Variants in CCDC186 observed in about 807,000 individuals in gnomAD.
CCDC186 encodes coiled-coil domain-containing protein 186.
In CCDC186, 49 loss-of-function variants were observed where a neutral mutation model predicts 113.7. The ratio of observed to expected loss-of-function variants is 0.43; its 90% CI spans 0.34 to 0.55. The LOEUF is 0.55. CCDC186 is among the 20% of genes least tolerant of loss of function. The pLI is 0.02. For missense variants in CCDC186, 890 were observed against 1,011.1 expected, an observed-to-expected ratio of 0.88 and a Z score of 1.62; for synonymous variants, 355 against 345.8, an observed-to-expected ratio of 1.03 and a Z score of -0.30.
intron 3 of CCDC186, among the ~76,000 whole-genome samples, chr10:114,152,449 T>C (rs904622703): frequency 1.3e-5 from 2 of 152,086 alleles, no homozygotes; most frequent in African/African-American, 4.8e-5. Flanking sequence ...ATTTCATGCA[T>C]CTACTTAGGA....
In CCDC186 at chr10:114,121,005, T is replaced by C. The variant is rs1027540733; in HGVS notation, c.*4138A>G. On this transcript the variant is annotated 3_prime_UTR_variant, in exon 16 of 16. Transcript: ENST00000369287. ...TGTACAATACACACACACACACATATATATATGTCCTCTGGAAGATAAACA... is the reference window on the plus strand; with the variant it reads ...TGTACAATACACACACACACACATACATATATGTCCTCTGGAAGATAAACA... 2 of 152,124 alleles carry C rather than the reference T, an allele frequency of 1.3e-5. No homozygotes were observed. The highest frequency in any genetic ancestry group is 2.9e-5 in the Non-Finnish European group (2 of 68,002). 9.4% of individuals were successfully genotyped at this position (152,124 alleles called of 1,614,324 possible).
chr10:114,170,112 A>C (rs1207792111), intron 1 of CCDC186, among the ~76,000 whole-genome samples: 1 of 152,172 alleles, frequency 6.6e-6, no homozygotes, highest in South Asian at 2.1e-4. Context: ...ATGGAAAAGA[A>C]CTTGTGTATG....
intron 1 of CCDC186, among the ~76,000 whole-genome samples, chr10:114,165,498 C>T (rs1739579620): frequency 1.3e-5 from 2 of 152,190 alleles, no homozygotes; most frequent in South Asian, 4.1e-4. Context: ...TCAAGACCAA[C>T]CTGGCCAAGA....
chr10:114,139,412 A>C (rs1034807277), intron 6 of CCDC186, among the ~76,000 whole-genome samples: 1 of 152,044 alleles, frequency 6.6e-6, no homozygotes, highest in African/African-American at 2.4e-5. Context: ...AAAATACAAA[A>C]ATTAGCCGGG....
chr10:114,149,786 C>CAGGAAGGCAGGA (rs1564912975), intron 4 of CCDC186, among the ~76,000 whole-genome samples: 274 of 47,718 alleles, frequency 5.7e-3, no homozygotes, highest in Non-Finnish European at 7.4e-3. Context: ...GGCAGGAAGG[C>CAGGAAGGCAGGA]AGGAAGGAAG....
Position 114,162,854 on chromosome 10 carries a change from T to C in CCDC186, c.415A>G (p.Ser139Gly). The C allele has an allele frequency of 6.2e-7, 1 of 1,614,014 alleles. No homozygotes were observed. Among genetic ancestry groups the C allele is most frequent in the Middle Eastern group, 1.6e-4 (1 of 6,062 alleles). ...TTGGTGCAGTCTGTATCATAGGGGC[T>C]TTCTGAATAAGTCTTTTCATTAGCT... The part of the protein sequence containing the change: ...ESANEKTYSE[S>G]PYDTDCTKKF... Residue 139 changes from serine (S) to glycine (G), a missense_variant, in exon 2 of 16, where the codon AGC (serine) becomes GGC (glycine). By Grantham distance (56) the Ser-to-Gly change is moderately conservative (BLOSUM62 0). Transcript: ENST00000369287.
In CCDC186 at chr10:114,166,202, T is replaced by C. The variant is rs1029327971; in HGVS notation, c.-61-2873A>G. On this transcript the variant is annotated intron_variant, in intron 1 of 15. Coordinates refer to ENST00000369287, the MANE Select transcript of CCDC186 (RefSeq NM_018017.4). ...AGATTCCTCAGTAAACCAGTTGTACTACTTTTCCATTCTTATCTCTCAACA... is the reference window on the plus strand; with the variant it reads ...AGATTCCTCAGTAAACCAGTTGTACCACTTTTCCATTCTTATCTCTCAACA... Among the ~76,000 whole-genome samples, 23 of 152,204 alleles carry C rather than the reference T, an allele frequency of 1.5e-4. 1 individual carries two copies. The highest frequency in any genetic ancestry group is 5.5e-4 in the African/African-American group (23 of 41,442).
Position 114,153,277 on chromosome 10 carries a change from G to T in CCDC186, c.760-2057C>A, listed in dbSNP as rs568789831. On this transcript the variant is annotated intron_variant, in intron 3 of 15. Coordinates refer to ENST00000369287, the MANE Select transcript of CCDC186 (RefSeq NM_018017.4). ...TGAAGCATATTCTCCAACCATAATGGAATGAGACCTCAGTAACAGAAAGAA... is the reference window on the plus strand; with the variant it reads ...TGAAGCATATTCTCCAACCATAATGTAATGAGACCTCAGTAACAGAAAGAA... Among the ~76,000 whole-genome samples, 5 of 152,144 alleles carry T rather than the reference G, an allele frequency of 3.3e-5. No individual in the cohort carries two copies. In the East Asian group the frequency reaches 5.8e-4, roughly 18 times the overall value.
chr10:114,151,939 T>C (rs1359873444), intron 3 of CCDC186, among the ~76,000 whole-genome samples: 1 of 152,154 alleles, frequency 6.6e-6, no homozygotes, highest in Non-Finnish European at 1.5e-5. Flanking sequence ...ACAGTAAGAA[T>C]GAATCTTCTA....
chr10:114,136,850 G>A (rs1210586289), intron 7 of CCDC186, among the ~76,000 whole-genome samples: 2 of 152,308 alleles, frequency 1.3e-5, no homozygotes, highest in Non-Finnish European at 2.9e-5. Context: ...TAGGCACAGT[G>A]GTTCATGCCT....
At chr10:114,168,849 C>T (rs556711701) in intron 1 of CCDC186, among the ~76,000 whole-genome samples, 4 of 152,316 alleles carry the variant, frequency 2.6e-5, no homozygotes, top group Admixed American at 2.6e-4. Context: ...AAGAACCTGT[C>T]AGGCGATTAC....
Position 114,144,493 on chromosome 10 carries a change from G to A in CCDC186, c.1221+4C>T, listed in dbSNP as rs878979366. 8.7e-6 allele frequency: 14 copies of A among 1,612,066 alleles called. No homozygotes were observed. The East Asian group carries it at 1.1e-4, about 13-fold the overall frequency. On this transcript the variant is annotated splice_donor_region_variant and intron_variant, in intron 6 of 15. Transcript: ENST00000369287. ...TCATTATTCCATTGTATTACAGTAC[G>A]TACCTTGTGTGAATCCATTTCAGCT...
chr10:114,142,483 G>C (rs2031500877), intron 6 of CCDC186, among the ~76,000 whole-genome samples: 1 of 152,186 alleles, frequency 6.6e-6, no homozygotes. Context: ...GTAGCAACCA[G>C]GTAGGCAAAC....
chr10:114,171,790 A>T (rs2032501930), intron 1 of CCDC186, among the ~76,000 whole-genome samples: 2 of 152,228 alleles, frequency 1.3e-5, no homozygotes, highest in Admixed American at 1.3e-4. Context: ...TATCAGTTCA[A>T]GTGTCTTAAT....
rs994643573 is a variant in CCDC186, at chr10:114,162,808, T to G, written c.461A>C (p.Lys154Thr). The G allele has an allele frequency of 1.2e-5, 19 of 1,613,724 alleles. No homozygotes were observed. Among genetic ancestry groups the G allele is most frequent in the East Asian group, 8.9e-5 (4 of 44,866 alleles). Reference sequence around the variant, plus strand: ...CAAATCCTCTGATGCTGAAACGCTCTTTATTTTTGAAATAAATTTCTTGGT... The same window carrying G: ...CAAATCCTCTGATGCTGAAACGCTCGTTATTTTTGAAATAAATTTCTTGGT... ...DCTKKFISKI[K>T]SVSASEDLLE... Residue 154 changes from lysine (K) to threonine (T), a missense_variant, in exon 2 of 16, where the codon AAG becomes ACG. By Grantham distance (78) the Lys-to-Thr change is moderately conservative (BLOSUM62 -1). Coordinates refer to ENST00000369287, the MANE Select transcript of CCDC186 (RefSeq NM_018017.4).
chr10:114,135,851 T>C (rs2031241681), intron 9 of CCDC186, 40 bp downstream of exon 9: 1 of 1,441,456 alleles, frequency 6.9e-7, no homozygotes, highest in Non-Finnish European at 9.7e-7. Flanking sequence ...ATTTAAGATA[T>C]TTACCCTTCC....
At chr10:114,148,073 TG>T (rs1336313980) in intron 4 of CCDC186, among the ~76,000 whole-genome samples, 10 of 152,202 alleles carry the variant, frequency 6.6e-5, no homozygotes, top group Non-Finnish European at 1.5e-4. Flanking sequence ...AGGTTGAGGC[TG>T]CAGTTAGCCA....
chr10:114,173,984 G>A (rs1471321404), intron 1 of CCDC186, 31 bp downstream of exon 1: 2 of 467,402 alleles, frequency 4.3e-6, no homozygotes, highest in Non-Finnish European at 8.8e-6. Context: ...GCGACTCACC[G>A]GTGTGCCCCG....
At chr10:114,154,327 A>G (rs1488645028) in intron 3 of CCDC186, among the ~76,000 whole-genome samples, 1 of 152,004 alleles carries the variant, frequency 6.6e-6, no homozygotes, top group African/African-American at 2.4e-5. Flanking sequence ...TGACTGAAGA[A>G]AAAAGAAAGA....
Sources: allele counts gnomAD v4.1 joint callset (sites outside exome capture counted in the v4.1 genomes callset), GRCh38; gene constraint gnomAD v4.1.1; transcripts MANE v1.5; gene names NCBI Gene and HGNC (gene_info 2026-07-23, HGNC 2026-07-21).